OOEP: variants seen among roughly 807,000 people sequenced by gnomAD.
OOEP encodes oocyte-expressed protein homolog.
In OOEP, 16 loss-of-function variants were observed where a neutral mutation model predicts 13.7. The observed-to-expected ratio is 1.16, with a 90% confidence interval of 0.79 to 1.77. The LOEUF (loss-of-function observed/expected upper bound fraction) is 1.77. Ranked by LOEUF, OOEP falls within the 40% of genes most tolerant of loss-of-function variation. OOEP has a pLI of 0.00. For synonymous variants in OOEP, 89 were observed against 77.1 expected, an observed-to-expected ratio of 1.15 and a Z score of -0.81; for missense variants, 195 against 193.1, an observed-to-expected ratio of 1.01 and a Z score of -0.06.
intron 2 of OOEP, chr6:73,394,237 G>C: frequency 1.5e-6 from 1 of 651,440 alleles, no homozygotes; most frequent in East Asian, 2.8e-5. Context: ...TAAAATAAGC[G>C]TAAATGTATC....
chr6:73,372,517 A>G (rs906307524), upstream of OOEP, among the ~76,000 whole-genome samples: 7 of 152,046 alleles, frequency 4.6e-5, no homozygotes, highest in Non-Finnish European at 1.0e-4. Flanking sequence ...TCTGATTCGC[A>G]AGTGTTGGTT....
rs1554233272 is a variant in OOEP, at chr6:73,379,657, A to AAAAAAAAAAG, written c.26-10273_26-10272insCTTTTTTTTT. ...CTATCTCAAAAAAAAAAAAAAAAAAAAAAAGTGGCCTTATTTTACATGTTT... is the reference window on the plus strand; with the variant it reads ...CTATCTCAAAAAAAAAAAAAAAAAAAAAAAAAAAAGAAAAGTGGCCTTATTTTACATGTTT... On this transcript the variant is annotated intron_variant, in intron 2 of 3. Coordinates refer to the OOEP transcript ENST00000370363. Among the ~76,000 whole-genome samples the AAAAAAAAAAG allele has an allele frequency of 4.0e-3, 440 of 110,852 alleles. 32 individuals are homozygous for AAAAAAAAAAG. The highest frequency in any genetic ancestry group is 0.011 in the East Asian group (40 of 3,530). 72.7% of individuals were successfully genotyped at this position (110,852 alleles called of 152,430 possible).
intron 2 of OOEP, among the ~76,000 whole-genome samples, chr6:73,385,151 C>T (rs887012825): frequency 6.6e-6 from 1 of 151,668 alleles, no homozygotes; most frequent in Admixed American, 6.6e-5. Context: ...TTGAGACCAT[C>T]CTGGCTAACA....
intron 2 of OOEP, among the ~76,000 whole-genome samples, chr6:73,390,330 AT>A (rs2150783679): frequency 6.6e-6 from 1 of 152,234 alleles, no homozygotes; most frequent in East Asian, 1.9e-4. Flanking sequence ...CACAGCAAGT[AT>A]TGTCGTCTCT....
intron 2 of OOEP, among the ~76,000 whole-genome samples, chr6:73,377,623 G>A (rs6453671): frequency 0.11 from 17,262 of 152,164 alleles, 1,080 homozygotes; most frequent in Middle Eastern, 0.2. Context: ...ACAACATACT[G>A]TAAAAAGCCA....
chr6:73,394,755 G>A (rs1008753183), exon 1 of OOEP: 43 of 1,115,664 alleles, frequency 3.9e-5, no homozygotes, highest in Non-Finnish European at 5.1e-5. Flanking sequence ...CGAAGTGGGC[G>A]GGATAGAGAG....
Position 73,394,339 on chromosome 6 carries a change from G to T in OOEP, c.25+7C>A. 3 of 715,642 alleles carry T rather than the reference G, an allele frequency of 4.2e-6. No homozygotes were observed. The South Asian group carries it at 4.4e-5, about 11-fold the overall frequency. The allele number at this position is 715,642 out of a possible 1,614,324, so 44.3% of individuals were successfully genotyped here. A position where few individuals can be genotyped will look rare whatever the true frequency, so the allele number is the denominator to read the frequency against. ...GTGGATTGGGTCACCTTGTAACAGT[G>T]ACTTACCTTTATGGGTCACGGTTGA... On this transcript the variant is annotated splice_region_variant and intron_variant, in intron 2 of 3. Transcript: ENST00000370363.
chr6:73,379,657 A>AGAAAG (rs1554233273), intron 2 of OOEP, among the ~76,000 whole-genome samples: 6 of 110,898 alleles, frequency 5.4e-5, no homozygotes, highest in African/African-American at 2.0e-4. Context: ...AAAAAAAAAA[A>AGAAAG]AAAAGTGGCC....
At chr6:73,372,977 T>C (rs1034508310), upstream of OOEP, 7 of 719,990 alleles carry the variant, frequency 9.7e-6, no homozygotes, top group African/African-American at 1.2e-4. Context: ...CCAACCAACG[T>C]GTTCATAACA....
chr6:73,386,066 T>G (rs1180310841), intron 2 of OOEP, among the ~76,000 whole-genome samples: 1 of 151,686 alleles, frequency 6.6e-6, no homozygotes, highest in Non-Finnish European at 1.5e-5. Context: ...GCATGCATAT[T>G]AAAGAATACC....
intron 2 of OOEP, among the ~76,000 whole-genome samples, chr6:73,390,289 T>C (rs1769329484): frequency 6.6e-6 from 1 of 152,212 alleles, no homozygotes; most frequent in Non-Finnish European, 1.5e-5. Flanking sequence ...ATTCCCTTTT[T>C]AGACTTTATC....
chr6:73,369,134 G>A, intron 2 of OOEP, 72 bp downstream of exon 2: 1 of 1,460,548 alleles, frequency 6.8e-7, no homozygotes, highest in South Asian at 1.3e-5. Flanking sequence ...AAGGGAGGAT[G>A]GAAGGAAACC....
At chr6:73,386,439 AAAT>A (rs1462114733) in intron 2 of OOEP, among the ~76,000 whole-genome samples, 5 of 152,206 alleles carry the variant, frequency 3.3e-5, no homozygotes, top group South Asian at 2.1e-4. Flanking sequence ...ATCCACCAAA[AAAT>A]AAACAAACAA....
Position 73,395,054 on chromosome 6 carries a change from G to C in OOEP, c.-454C>G, listed in dbSNP as rs1769436440. ...GGATATAGTGTCGGCAGAGGTGGTC[G>C]CTGGAGAGGCACCTCTAGGCCCCCG... On this transcript the variant is annotated 5_prime_UTR_variant, in exon 1 of 4. Transcript: ENST00000370363. 1.2e-6 allele frequency: 2 copies of C among 1,614,202 alleles called. No homozygotes were observed. The highest frequency in any genetic ancestry group is 1.7e-6 in the Non-Finnish European group (2 of 1,180,010).
At chr6:73,369,542 T>C in intron 1 of OOEP, 61 bp downstream of exon 1, 1 of 1,560,810 alleles carries the variant, frequency 6.4e-7, no homozygotes, top group Admixed American at 1.7e-5. Context: ...AGAGAGCTGC[T>C]CTGCCAAGCC....
rs1046785724 is a variant in OOEP at position 73,382,006 on chromosome 6, A to C, written c.25+12340T>G. Among the ~76,000 whole-genome samples, 6 of 151,870 alleles carry C rather than the reference A, an allele frequency of 4.0e-5. 1 individual carries two copies. The highest frequency in any genetic ancestry group is 1.5e-5 in the Non-Finnish European group (1 of 67,976). On this transcript the variant is annotated intron_variant, in intron 2 of 3. Coordinates refer to the OOEP transcript ENST00000370363. ...AAAAACAAAACAAAACAAACAAAAA[A>C]CAAAGGATTGTAACTTTGGGTTTTT...
rs1769015593 is a variant in OOEP, at chr6:73,369,737, T to C, written c.56A>G (p.His19Arg). Residue 19 changes from histidine to arginine, a missense_variant, in exon 1 of 3, where the codon CAC (histidine) becomes CGC (arginine). Coordinates refer to ENST00000370359, the MANE Select transcript of OOEP (RefSeq NM_001080507.3). The part of the protein sequence containing the change: ...ESQRGKQTPA[H>R]SLEQLRRLPL... ...TAACCTACGCAGCTGCTCCAGGGAGTGGGCCGGAGTCTGTTTGCCCCGCTG... is the reference window on the plus strand; with the variant it reads ...TAACCTACGCAGCTGCTCCAGGGAGCGGGCCGGAGTCTGTTTGCCCCGCTG... 1 of 1,613,940 alleles carries C rather than the reference T, an allele frequency of 6.2e-7. No individual in the cohort carries two copies. The highest frequency in any genetic ancestry group is 8.5e-7 in the Non-Finnish European group (1 of 1,179,882).
chr6:73,394,878 G>C (rs1291360235), exon 1 of OOEP: 1 of 1,610,970 alleles, frequency 6.2e-7, no homozygotes, highest in Non-Finnish European at 8.5e-7. Flanking sequence ...GGACGGCAAC[G>C]ACGTCGGACG....
rs960477124 is a variant in OOEP, at chr6:73,368,745, T to C, written c.*39A>G. On this transcript the variant is annotated 3_prime_UTR_variant, in exon 3 of 3. Coordinates refer to ENST00000370359, the MANE Select transcript of OOEP (RefSeq NM_001080507.3). Reference sequence around the variant, plus strand: ...TTTTCTTCAACTTTAGCAGCAAAAGTTAGAAAGTTAAGATGTTCCCAACAG... The same window carrying C: ...TTTTCTTCAACTTTAGCAGCAAAAGCTAGAAAGTTAAGATGTTCCCAACAG... The C allele has an allele frequency of 7.1e-7, 1 of 1,399,830 alleles. No homozygotes were observed. The highest frequency in any genetic ancestry group is 1.0e-6 in the Non-Finnish European group (1 of 985,530). The allele number at this position is 1,399,830 out of a possible 1,614,324, so 86.7% of individuals were successfully genotyped here. A position where few individuals can be genotyped will look rare whatever the true frequency, so the allele number is the denominator to read the frequency against.
Sources: allele counts gnomAD v4.1 joint callset (sites outside exome capture counted in the v4.1 genomes callset), GRCh38; gene constraint gnomAD v4.1.1; transcripts MANE v1.5; gene names NCBI Gene and HGNC (gene_info 2026-07-23, HGNC 2026-07-21).